MROH7: variants seen among roughly 807,000 people sequenced by gnomAD.
The protein encoded by MROH7 is maestro heat like repeat family member 7.
MROH7 carries 113 observed loss-of-function variants against 129.2 expected under a neutral mutation model. The observed-to-expected ratio is 0.87, with a 90% CI of 0.75 to 1.02. The LOEUF (loss-of-function observed/expected upper bound fraction) is 1.02. Among genes scored for constraint, MROH7 ranks in the 50% least tolerant of loss-of-function variants. MROH7 has a pLI of 0.00. For missense variants in MROH7, 1,601 were observed against 1,671.3 expected, an observed-to-expected ratio of 0.96 and a Z score of 0.73; for synonymous variants, 655 against 667.9, an observed-to-expected ratio of 0.98 and a Z score of 0.30.
At position 54,706,539 on chromosome 1, in the gene MROH7, T is replaced by C; in HGVS notation, c.3667+2T>C. On this transcript the variant is annotated splice_donor_variant, in intron 22 of 23. Transcript: ENST00000421030. LOFTEE classifies it high-confidence loss of function. ...GGAAGTGCTCAGTCATGTTCATAGG[T>C]AACCTGCCCTGGCATAAGTCATCCT... The C allele has an allele frequency of 6.2e-7, 1 of 1,607,408 alleles. No individual in the cohort carries two copies. Among genetic ancestry groups the C allele is most frequent in the Non-Finnish European group, 8.5e-7 (1 of 1,174,464 alleles).
At chr1:54,682,546 T>A (rs1645086771) in intron 13 of MROH7, 110 bp from the exon 14 acceptor site, 1 of 1,044,568 alleles carries the variant, frequency 9.6e-7, no homozygotes, top group Non-Finnish European at 1.4e-6. Context: ...GGTGTGCCCA[T>A]GGATGCCATT....
chr1:54,692,520 G>A lies in MROH7; in HGVS notation c.2808G>A (p.Glu936=). Residue 936 remains glutamate (E), a synonymous_variant, in exon 16 of 24, where the codon GAG becomes GAA. Coordinates refer to ENST00000421030, the MANE Select transcript of MROH7 (RefSeq NM_001039464.4). ...ACCAGGGTGGCTGGGAGCTCATGGA[G>A]CAGGTGGAGAGCCACCACCGCGGAG... The part of the protein sequence containing the change: ...LEDQGGWELM[E]QVESHHRGVA... 3 of 1,613,968 alleles carry A rather than the reference G, an allele frequency of 1.9e-6. No homozygotes were observed. The highest frequency in any genetic ancestry group is 1.7e-5 in the Admixed American group (1 of 60,020).
chr1:54,679,843 C>T (rs1311598887), intron 12 of MROH7, 48 bp from the exon 13 acceptor site: 2 of 1,571,862 alleles, frequency 1.3e-6, no homozygotes, highest in South Asian at 1.1e-5. Flanking sequence ...TGCCCCCGTG[C>T]TTCCCTTGGC....
chr1:54,677,653 T>C (rs1309790352), intron 10 of MROH7, among the ~76,000 whole-genome samples: 2 of 152,168 alleles, frequency 1.3e-5, no homozygotes, highest in Non-Finnish European at 2.9e-5. Flanking sequence ...GTGAACACTC[T>C]GCCTTGGTGG....
chr1:54,686,321 T>C lies in MROH7; in HGVS notation c.2584T>C (p.Tyr862His), dbSNP rs201167904. The C allele has an allele frequency of 1.8e-4, 297 of 1,614,160 alleles. 1 individual carries two copies. The African/African-American group carries it at 3.3e-3, about 18-fold the overall frequency. The change falls in exon 15 of 24, where the codon TAC becomes CAC. Residue 862 changes from tyrosine (Y) to histidine (H), a missense_variant. Physicochemically the swap from Tyr to His is moderately conservative, Grantham distance 83. Transcript: ENST00000421030. Reference protein sequence around the residue: ...NSCMGRVRRIYPQLLLALLIQ... With the variant: ...NSCMGRVRRIHPQLLLALLIQ... ...CTGCATGGGCCGTGTGAGGCGCATC[T>C]ACCCTCAGCTGCTCCTGGCCCTGCT...
chr1:54,673,849 T>C, intron 9 of MROH7, 44 bp downstream of exon 9: 1 of 1,571,452 alleles, frequency 6.4e-7, no homozygotes. Context: ...GGGAAAATCT[T>C]CCCACTTCTG....
intron 9 of MROH7, 68 bp downstream of exon 9, chr1:54,673,873 C>T (rs1199217664): frequency 2.0e-6 from 3 of 1,531,774 alleles, no homozygotes; most frequent in Admixed American, 3.4e-5. Context: ...GAGCCCGTAC[C>T]TCTGTTCAGG....
chr1:54,672,987 T>C, intron 7 of MROH7, 104 bp from the exon 8 acceptor site: 1 of 730,128 alleles, frequency 1.4e-6, no homozygotes, highest in East Asian at 2.6e-5. Context: ...GCAGCTTTCC[T>C]GGGTCTTAAT....
At chr1:54,648,188 A>G (rs1644498456) in intron 1 of MROH7, among the ~76,000 whole-genome samples, 1 of 151,458 alleles carries the variant, frequency 6.6e-6, no homozygotes, top group Non-Finnish European at 1.5e-5. Context: ...CCTGCTGAAG[A>G]CACTATTCTT....
intron 3 of MROH7, chr1:54,663,653 C>A: frequency 2.7e-6 from 1 of 368,152 alleles, no homozygotes; most frequent in Non-Finnish European, 5.2e-6. Flanking sequence ...GGATTACTGG[C>A]GTGAGCCACC....
chr1:54,706,324 A>T lies in MROH7; in HGVS notation c.3565-111A>T, dbSNP rs923399672. On this transcript the variant is annotated intron_variant, in intron 21 of 23. Coordinates refer to ENST00000421030, the MANE Select transcript of MROH7 (RefSeq NM_001039464.4). ...TGGGGGACTCATGCAGAGGGAGCAGATATATTTGGGAGGCAGGGGGTGAGG... is the reference window on the plus strand; with the variant it reads ...TGGGGGACTCATGCAGAGGGAGCAGTTATATTTGGGAGGCAGGGGGTGAGG... The T allele has an allele frequency of 6.7e-6, 5 of 747,464 alleles. No individual in the cohort carries two copies. In the African/African-American group the frequency reaches 8.7e-5, roughly 13 times the overall value. 46.3% of individuals were successfully genotyped at this position (747,464 alleles called of 1,614,324 possible).
chr1:54,680,818 C>T (rs1255613595), intron 13 of MROH7, among the ~76,000 whole-genome samples: 1 of 152,214 alleles, frequency 6.6e-6, no homozygotes, highest in Admixed American at 6.5e-5. Flanking sequence ...ATGGGGTGTG[C>T]TCCAATAAGG....
intron 18 of MROH7, 45 bp downstream of exon 18, chr1:54,700,506 C>A (rs1159044732): frequency 1.3e-6 from 2 of 1,529,646 alleles, no homozygotes; most frequent in East Asian, 4.5e-5. Flanking sequence ...AGGCCCCAGA[C>A]TGGAGGAAGG....
intron 15 of MROH7, among the ~76,000 whole-genome samples, chr1:54,689,564 G>T (rs938244375): frequency 2.0e-5 from 3 of 152,242 alleles, no homozygotes; most frequent in Admixed American, 1.3e-4. Flanking sequence ...ATCCTCCTGA[G>T]AGGAGAGGCA....
rs923723755 is a variant in MROH7 at position 54,653,880 on chromosome 1, C to A, written c.954C>A (p.Asn318Lys). The A allele has an allele frequency of 1.2e-6, 2 of 1,613,880 alleles. No homozygotes were observed. The highest frequency in any genetic ancestry group is 2.7e-5 in the African/African-American group (2 of 74,926). The change falls in exon 3 of 24, where the codon AAC (asparagine) becomes AAA (lysine). Residue 318 changes from asparagine (N) to lysine (K), a missense_variant. Physicochemically the swap from Asn to Lys is moderately conservative, Grantham distance 94 (BLOSUM62 0). Coordinates refer to ENST00000421030, the MANE Select transcript of MROH7 (RefSeq NM_001039464.4). ...TGCACTCCAGCACCCATGAGCCCAACTCCACCATCTCTCCACCCTCATGCA... is the reference window on the plus strand; with the variant it reads ...TGCACTCCAGCACCCATGAGCCCAAATCCACCATCTCTCCACCCTCATGCA... ...ISLHSSTHEP[N>K]STISPPSCMT...
At chr1:54,668,355 T>G (rs750522115) in intron 4 of MROH7, among the ~76,000 whole-genome samples, 4 of 152,236 alleles carry the variant, frequency 2.6e-5, no homozygotes, top group African/African-American at 4.8e-5. Flanking sequence ...TGTATTTTCT[T>G]CTTTACTATA....
intron 22 of MROH7, 43 bp downstream of exon 22, chr1:54,706,580 C>A: frequency 6.9e-7 from 1 of 1,448,858 alleles, no homozygotes; most frequent in Non-Finnish European, 9.7e-7. Context: ...CAGGGCTCTG[C>A]CTGCTCTCCA....
chr1:54,691,535 G>A (rs1645236709), intron 15 of MROH7, among the ~76,000 whole-genome samples: 1 of 152,312 alleles, frequency 6.6e-6, no homozygotes, highest in African/African-American at 2.4e-5. Flanking sequence ...GCTGGGTGCT[G>A]TGGCTCATGC....
At chr1:54,663,434 G>A (rs943027507) in intron 3 of MROH7, among the ~76,000 whole-genome samples, 2 of 152,014 alleles carry the variant, frequency 1.3e-5, no homozygotes, top group African/African-American at 4.8e-5. Flanking sequence ...ATGCAGTGGT[G>A]CGATCTTGGC....
Sources: gnomAD v4.1 joint callset for allele counts (sites outside exome capture counted in the v4.1 genomes callset) on GRCh38, gnomAD v4.1.1 for gene constraint, MANE v1.5 for transcripts, NCBI Gene and HGNC (gene_info 2026-07-23, HGNC 2026-07-21) for gene names.